XPNPEP3: variants seen among roughly 807,000 people sequenced by gnomAD.
XPNPEP3 encodes X-prolyl aminopeptidase 3.
XPNPEP3 carries 41 observed loss-of-function variants against 60.0 expected under a neutral mutation model. The observed-to-expected ratio is 0.68, with a 90% confidence interval of 0.53 to 0.89. The LOEUF is 0.89. Among genes scored for constraint, XPNPEP3 ranks in the 40% least tolerant of loss-of-function variants. XPNPEP3 has a pLI of 0.00. For synonymous variants in XPNPEP3, 212 were observed against 223.2 expected (o/e 0.95, Z 0.45); for missense variants, 598 against 638.9 (o/e 0.94, Z 0.69).
intron 2 of XPNPEP3, among the ~76,000 whole-genome samples, chr22:40,873,437 T>C (rs2058015585): frequency 6.6e-6 from 1 of 151,612 alleles, no homozygotes; most frequent in Admixed American, 6.6e-5. Context: ...AGCAAACAGA[T>C]TTTTAGGGAA....
At chr22:40,918,121 C>T (rs1030881717) in intron 7 of XPNPEP3, among the ~76,000 whole-genome samples, 2 of 151,894 alleles carry the variant, frequency 1.3e-5, no homozygotes, top group Non-Finnish European at 2.9e-5. Context: ...CTGGTAATCC[C>T]AGTGTTTTGG....
At chr22:40,861,987 T>A in intron 1 of XPNPEP3, 1 of 1,590,842 alleles carries the variant, frequency 6.3e-7, no homozygotes, top group Non-Finnish European at 8.5e-7. Context: ...TTCATAGTAA[T>A]CCACCATGTT....
At chr22:40,925,979 G>C (rs2058233206) in intron 9 of XPNPEP3, among the ~76,000 whole-genome samples, 1 of 152,094 alleles carries the variant, frequency 6.6e-6, no homozygotes, top group Non-Finnish European at 1.5e-5. Flanking sequence ...TGAGCCACTA[G>C]AATATGACAG....
chr22:40,860,576 T>C, intron 1 of XPNPEP3: 1 of 1,144,376 alleles, frequency 8.7e-7, no homozygotes, highest in Non-Finnish European at 1.2e-6. Context: ...GTGGTTTTAA[T>C]TAGAAAAAAG....
At position 40,882,066 on chromosome 22, in the gene XPNPEP3, C is replaced by A; in HGVS notation, c.478C>A (p.Arg160=). ...TTTTGTGCCTCGGCGAGATCCCAGT[C>A]GAGAACTTTGGGATGGTCCGCGATC... The part of the protein sequence containing the change: ...ILFVPRRDPS[R]ELWDGPRSGT... The change falls in exon 3 of 10, where the codon CGA becomes AGA. Residue 160 remains arginine, a synonymous_variant. Transcript: ENST00000357137. The A allele has an allele frequency of 6.2e-7, 1 of 1,614,050 alleles. No homozygotes were observed.
intron 4 of XPNPEP3, among the ~76,000 whole-genome samples, chr22:40,900,743 A>G (rs1312886762): frequency 2.0e-5 from 3 of 152,212 alleles, no homozygotes; most frequent in Non-Finnish European, 4.4e-5. Context: ...AGCCTGGGCA[A>G]CATGGCAAAA....
chr22:40,870,738 G>A (rs1487635946), intron 2 of XPNPEP3, among the ~76,000 whole-genome samples: 2 of 152,100 alleles, frequency 1.3e-5, no homozygotes, highest in Admixed American at 6.6e-5. Context: ...ATTAAAAGGG[G>A]CCGGGCGCAG....
intron 4 of XPNPEP3, among the ~76,000 whole-genome samples, chr22:40,895,852 ACT>A (rs955643374): frequency 1.3e-5 from 2 of 152,112 alleles, no homozygotes; most frequent in African/African-American, 4.8e-5. Flanking sequence ...AGTATCGTAC[ACT>A]GTCTTACTCC....
At chr22:40,899,165 G>A (rs938027048) in intron 4 of XPNPEP3, among the ~76,000 whole-genome samples, 1 of 152,008 alleles carries the variant, frequency 6.6e-6, no homozygotes, top group Admixed American at 6.6e-5. Flanking sequence ...TTTACCCATC[G>A]CTGTCAACTT....
At chr22:40,876,207 CAT>C (rs960056758) in intron 2 of XPNPEP3, among the ~76,000 whole-genome samples, 9 of 152,238 alleles carry the variant, frequency 5.9e-5, no homozygotes, top group East Asian at 1.9e-4. Context: ...TCATTCCTAA[CAT>C]GTGAAAAAGC....
chr22:40,868,786 G>T (rs2145774616), intron 1 of XPNPEP3, among the ~76,000 whole-genome samples: 1 of 152,124 alleles, frequency 6.6e-6, no homozygotes, highest in African/African-American at 2.4e-5. Flanking sequence ...GGTGGAGGTT[G>T]CAGTGAGCCG....
chr22:40,904,560 A>AT (rs943940772), intron 4 of XPNPEP3, among the ~76,000 whole-genome samples: 1 of 151,960 alleles, frequency 6.6e-6, no homozygotes, highest in Non-Finnish European at 1.5e-5. Context: ...TAAAAAAAAA[A>AT]TTTTTTTAAG....
At chr22:40,883,706 T>A (rs139788601) in intron 3 of XPNPEP3, among the ~76,000 whole-genome samples, 106 of 152,306 alleles carry the variant, frequency 7.0e-4, no homozygotes, top group African/African-American at 2.5e-3. Context: ...TCTCTACAGT[T>A]ATTCTGGTGA....
intron 1 of XPNPEP3, chr22:40,861,870 G>A (rs746196482): frequency 6.2e-7 from 1 of 1,613,652 alleles, no homozygotes; most frequent in East Asian, 2.2e-5. Context: ...TTTTCTCTCT[G>A]CTTCTTCTTT....
intron 2 of XPNPEP3, among the ~76,000 whole-genome samples, chr22:40,871,957 T>G (rs1266198743): frequency 6.6e-6 from 1 of 152,128 alleles, no homozygotes; most frequent in African/African-American, 2.4e-5. Context: ...CACTTGAACC[T>G]GGGAGGCAGA....
At chr22:40,913,910 C>T (rs1442877627) in intron 6 of XPNPEP3, among the ~76,000 whole-genome samples, 2 of 151,982 alleles carry the variant, frequency 1.3e-5, no homozygotes, top group East Asian at 1.9e-4. Flanking sequence ...TTTGGGAGGC[C>T]GAGGCAGGCA....
intron 6 of XPNPEP3, among the ~76,000 whole-genome samples, 185 bp from the exon 7 acceptor site, chr22:40,914,054 A>C (rs1002076697): frequency 3.9e-5 from 6 of 152,120 alleles, no homozygotes; most frequent in African/African-American, 1.4e-4. Context: ...AGGCAGGAGA[A>C]TCGCTTGAAC....
chr22:40,905,942 C>T (rs1463077888), intron 4 of XPNPEP3, among the ~76,000 whole-genome samples: 2 of 152,066 alleles, frequency 1.3e-5, no homozygotes, highest in African/African-American at 4.8e-5. Flanking sequence ...CAGGTGCACA[C>T]CACCATACCC....
rs2058257243 is a variant in XPNPEP3 at position 40,932,218 on chromosome 22, T to G, written c.*5783T>G. 6.6e-6 allele frequency: 1 copy of G among 152,146 alleles called. No homozygotes were observed. The highest frequency in any genetic ancestry group is 1.5e-5 in the Non-Finnish European group (1 of 68,044). 9.4% of individuals were successfully genotyped at this position (152,146 alleles called of 1,614,324 possible). A position where few individuals can be genotyped will look rare whatever the true frequency, so the allele number is the denominator to read the frequency against. On this transcript the variant is annotated 3_prime_UTR_variant, in exon 10 of 10. Transcript: ENST00000357137. ...TAGAACCTATCTGCTGTCCCTCAAC[T>G]AGTGTCTGATAGCTGAGAATGTAAT... is the stretch of plus-strand genomic sequence containing the variant.
Sources: allele counts gnomAD v4.1 joint callset (sites outside exome capture counted in the v4.1 genomes callset), GRCh38; gene constraint gnomAD v4.1.1; transcripts MANE v1.5; gene names NCBI Gene and HGNC (gene_info 2026-07-23, HGNC 2026-07-21).